Variants in UNC5D observed in about 807,000 individuals in gnomAD.
UNC5D encodes unc-5 netrin receptor D, also known as netrin receptor UNC5D.
A neutral mutation model predicts 105.4 loss-of-function variants in UNC5D; 39 were observed. That is an observed-to-expected ratio of 0.37 (90% confidence interval 0.29 to 0.48). UNC5D has a LOEUF of 0.48. Ranked by LOEUF, UNC5D falls within the 20% of genes least tolerant of loss-of-function variation. The pLI is 0.98. For synonymous variants in UNC5D, 452 were observed against 450.4 expected (o/e 1.00, Z -0.04); for missense variants, 991 against 1,202.4 (o/e 0.82, Z 2.60).
chr8:35,429,192 T>C (rs115878002), intron 1 of UNC5D, among the ~76,000 whole-genome samples: 2,167 of 152,240 alleles, frequency 0.014, 62 homozygotes, highest in African/African-American at 0.05. Context: ...CCTTTCTTCT[T>C]TGATAATGAA....
chr8:35,519,581 G>A (rs560964162), intron 1 of UNC5D, among the ~76,000 whole-genome samples: 3 of 151,810 alleles, frequency 2.0e-5, no homozygotes, highest in South Asian at 4.2e-4. Context: ...TATACCAAAA[G>A]GTATATAAAG....
At chr8:35,623,228 TG>T (rs925393795) in intron 4 of UNC5D, among the ~76,000 whole-genome samples, 2 of 152,250 alleles carry the variant, frequency 1.3e-5, no homozygotes, top group East Asian at 1.9e-4. Flanking sequence ...ATACCAAGCC[TG>T]GGGAGGACTT....
intron 2 of UNC5D, among the ~76,000 whole-genome samples, chr8:35,558,497 T>C (rs1176010289): frequency 6.6e-6 from 1 of 152,172 alleles, no homozygotes; most frequent in African/African-American, 2.4e-5. Flanking sequence ...ATCTCATTGT[T>C]GAAGTATAGT....
chr8:35,387,269 A>G (rs1435815224), intron 1 of UNC5D, among the ~76,000 whole-genome samples: 2 of 151,356 alleles, frequency 1.3e-5, no homozygotes, highest in Non-Finnish European at 2.9e-5. Context: ...AGGCGGAGGC[A>G]GGAGAATGGC....
chr8:35,582,312 G>A (rs1175321868), intron 3 of UNC5D, among the ~76,000 whole-genome samples: 1 of 152,154 alleles, frequency 6.6e-6, no homozygotes, highest in Non-Finnish European at 1.5e-5. Context: ...GCATCTTCCT[G>A]ATGCAGTGGT....
chr8:35,676,957 G>A (rs1825275677), intron 4 of UNC5D, among the ~76,000 whole-genome samples: 2 of 151,358 alleles, frequency 1.3e-5, no homozygotes, highest in Admixed American at 6.6e-5. Flanking sequence ...CATCATATAA[G>A]AATCAAAAAA....
chr8:35,373,844 C>T (rs972993113), intron 1 of UNC5D, among the ~76,000 whole-genome samples: 1 of 152,142 alleles, frequency 6.6e-6, no homozygotes, highest in Admixed American at 6.6e-5. Context: ...TTGATAGACA[C>T]TTCACCACTG....
At chr8:35,702,990 G>A (rs572816091) in intron 7 of UNC5D, among the ~76,000 whole-genome samples, 1 of 152,154 alleles carries the variant, frequency 6.6e-6, no homozygotes, top group East Asian at 1.9e-4. Flanking sequence ...GTGGGTGAAG[G>A]CAAGGGAGCC....
chr8:35,271,399 G>A (rs1165885510), intron 1 of UNC5D, among the ~76,000 whole-genome samples: 3 of 137,634 alleles, frequency 2.2e-5, no homozygotes, highest in African/African-American at 8.0e-5. Context: ...ACATGCACGT[G>A]TGTATGTATA....
intron 1 of UNC5D, among the ~76,000 whole-genome samples, chr8:35,276,744 G>A (rs1018489738): frequency 2.0e-5 from 3 of 152,302 alleles, no homozygotes; most frequent in Non-Finnish European, 4.4e-5. Context: ...TACTGACTGA[G>A]TGGTTAGGTG....
At chr8:35,756,070 C>T (rs1020490503) in intron 13 of UNC5D, among the ~76,000 whole-genome samples, 1 of 152,150 alleles carries the variant, frequency 6.6e-6, no homozygotes, top group Non-Finnish European at 1.5e-5. Context: ...AAAGCTCATA[C>T]TCAGGAGTCT....
chr8:35,746,749 T>C (rs1017539295), intron 11 of UNC5D, among the ~76,000 whole-genome samples: 3 of 152,214 alleles, frequency 2.0e-5, no homozygotes, highest in Non-Finnish European at 2.9e-5. Context: ...AGGATGATTC[T>C]CTGAAAGCAA....
At chr8:35,299,843 A>T (rs1216062868) in intron 1 of UNC5D, among the ~76,000 whole-genome samples, 1 of 152,214 alleles carries the variant, frequency 6.6e-6, no homozygotes, top group East Asian at 1.9e-4. Flanking sequence ...CAACTGTAAA[A>T]TAGAGTGAGG....
At chr8:35,490,621 A>G (rs1263939979) in intron 1 of UNC5D, among the ~76,000 whole-genome samples, 1 of 152,180 alleles carries the variant, frequency 6.6e-6, no homozygotes, top group Non-Finnish European at 1.5e-5. Flanking sequence ...GACCTGAAGG[A>G]TCTTTGATGG....
intron 4 of UNC5D, among the ~76,000 whole-genome samples, chr8:35,611,145 A>T (rs1490250154): frequency 6.6e-6 from 1 of 152,142 alleles, no homozygotes; most frequent in Admixed American, 6.5e-5. Context: ...ATTCTCCCAA[A>T]AAGATGTAAA....
At chr8:35,677,877 GGTGT>G (rs1409744423) in intron 4 of UNC5D, among the ~76,000 whole-genome samples, 1 of 136,060 alleles carries the variant, frequency 7.3e-6, no homozygotes, top group South Asian at 2.5e-4. Context: ...GTTTTTATAG[GGTGT>G]GTGAGTGTCT....
intron 1 of UNC5D, among the ~76,000 whole-genome samples, chr8:35,325,055 T>C (rs546613876): frequency 2.9e-4 from 44 of 152,252 alleles, no homozygotes; most frequent in Middle Eastern, 3.4e-3. Flanking sequence ...TAAAATGGGT[T>C]GCTCTCAGCC....
chr8:35,274,472 G>T (rs1805633768), intron 1 of UNC5D, among the ~76,000 whole-genome samples: 1 of 152,184 alleles, frequency 6.6e-6, no homozygotes, highest in African/African-American at 2.4e-5. Context: ...AGCACCTCTG[G>T]TGTGTGGCCT....
chr8:35,480,452 G>T (rs986943952), intron 1 of UNC5D, among the ~76,000 whole-genome samples: 1 of 152,062 alleles, frequency 6.6e-6, no homozygotes, highest in Admixed American at 6.6e-5. Context: ...AACATGACTT[G>T]GTCCTTTTTC....
Sources: gnomAD v4.1 joint callset for allele counts (sites outside exome capture counted in the v4.1 genomes callset) on GRCh38, gnomAD v4.1.1 for gene constraint, MANE v1.5 for transcripts, NCBI Gene and HGNC (gene_info 2026-07-23, HGNC 2026-07-21) for gene names.